SELP: variants seen among roughly 807,000 people sequenced by gnomAD.
The protein encoded by SELP is selectin P, also known as P-selectin.
In SELP, 92 loss-of-function variants were observed where a neutral mutation model predicts 104.1. That is an observed-to-expected ratio of 0.88 (90% CI 0.75 to 1.05). The LOEUF (loss-of-function observed/expected upper bound fraction) is 1.05, where lower values mean the gene tolerates loss of function less well. Among genes scored for constraint, SELP ranks in the 50% least tolerant of loss-of-function variants. The pLI is 0.00. For missense variants in SELP, 1,022 were observed against 1,017.3 expected (o/e 1.00, Z -0.06); for synonymous variants, 397 against 364.5 (o/e 1.09, Z -1.01).
chr1:169,623,491 T>C (rs961470925), intron 1 of SELP, among the ~76,000 whole-genome samples: 3 of 152,194 alleles, frequency 2.0e-5, no homozygotes, highest in Non-Finnish European at 4.4e-5. Context: ...TTGTTTGAAC[T>C]TTTTTTAAGC....
intron 5 of SELP, 81 bp from the exon 6 acceptor site, chr1:169,612,483 A>C: frequency 7.3e-7 from 1 of 1,363,736 alleles, no homozygotes; most frequent in Non-Finnish European, 1.0e-6. Context: ...ATTCTGCAGC[A>C]GTCACACCTT....
intron 11 of SELP, 37 bp downstream of exon 11, chr1:169,596,954 C>T: frequency 6.6e-7 from 1 of 1,524,976 alleles, no homozygotes; most frequent in South Asian, 1.3e-5. Flanking sequence ...AATAAATTTC[C>T]AAAAGTAGAA....
At chr1:169,599,878 C>A (rs1234024935) in intron 10 of SELP, among the ~76,000 whole-genome samples, 1 of 152,038 alleles carries the variant, frequency 6.6e-6, no homozygotes, top group East Asian at 1.9e-4. Context: ...GAACCAGGAC[C>A]CCTCCCCACG....
Position 169,617,008 on chromosome 1 carries a change from C to A in SELP, c.481+20G>T. 6.6e-7 allele frequency: 1 copy of A among 1,520,426 alleles called. No individual in the cohort carries two copies. Among genetic ancestry groups the A allele is most frequent in the Non-Finnish European group, 8.8e-7 (1 of 1,135,048 alleles). The allele number at this position is 1,520,426 out of a possible 1,614,324, so 94.2% of individuals were successfully genotyped here. ...TTTTTTTTTTTTAACAGGAAAGTTT[C>A]AAAGTAGAGAAGGCCCTACCTGTGT... On this transcript the variant is annotated intron_variant, in intron 3 of 16. Transcript: ENST00000263686.
chr1:169,617,794 A>G (rs2244529), intron 2 of SELP, among the ~76,000 whole-genome samples: 57,851 of 152,082 alleles, frequency 0.38, 12,437 homozygotes, highest in African/African-American at 0.59. Flanking sequence ...CTTAAGGGCA[A>G]GCTCTACCTC....
intron 8 of SELP, among the ~76,000 whole-genome samples, chr1:169,608,415 T>C (rs2101896235): frequency 6.6e-6 from 1 of 152,280 alleles, no homozygotes; most frequent in African/African-American, 2.4e-5. Flanking sequence ...TCTGTCTCTA[T>C]GACTTTGACT....
Position 169,596,154 on chromosome 1 carries a change from C to A in SELP, c.1892-20G>T. 6.2e-7 allele frequency: 1 copy of A among 1,608,142 alleles called. No homozygotes were observed. Among genetic ancestry groups the A allele is most frequent in the Non-Finnish European group, 8.5e-7 (1 of 1,175,126 alleles). On this transcript the variant is annotated intron_variant, in intron 11 of 16. Transcript: ENST00000263686. ...CTATGCCTGTTGTGAGAAAATGTTT[C>A]CATTCAGAGACCTCCCAATTAAAAG...
At chr1:169,608,865 C>T (rs557510721) in intron 8 of SELP, among the ~76,000 whole-genome samples, 2 of 152,006 alleles carry the variant, frequency 1.3e-5, no homozygotes, top group South Asian at 2.1e-4. Flanking sequence ...AAATAATAAT[C>T]CTTGTGAACC....
chr1:169,610,771 T>G (rs2101901009), intron 7 of SELP, among the ~76,000 whole-genome samples: 1 of 151,668 alleles, frequency 6.6e-6, no homozygotes, highest in East Asian at 1.9e-4. Flanking sequence ...AGAGTGAGAC[T>G]CTGTCTCAAA....
chr1:169,605,378 A>G (rs1184223723), intron 9 of SELP, among the ~76,000 whole-genome samples: 1 of 152,042 alleles, frequency 6.6e-6, no homozygotes, highest in Non-Finnish European at 1.5e-5. Context: ...GTGCCTGGCG[A>G]TGAAGGACAT....
At chr1:169,610,064 T>C (rs1327462392) in intron 7 of SELP, among the ~76,000 whole-genome samples, 1 of 152,156 alleles carries the variant, frequency 6.6e-6, no homozygotes, top group Non-Finnish European at 1.5e-5. Context: ...CATTCATAGT[T>C]TTATTCTGGA....
In SELP at chr1:169,603,103, C is replaced by A. The variant is rs781178246; in HGVS notation, c.1628G>T (p.Gly543Val). 2 of 1,613,936 alleles carry A rather than the reference C, an allele frequency of 1.2e-6. No homozygotes were observed. Among genetic ancestry groups the A allele is most frequent in the African/African-American group, 2.7e-5 (2 of 74,902 alleles). Residue 543 changes from glycine (G) to valine (V), a missense_variant, in exon 10 of 17, where the codon GGA becomes GTA. By Grantham distance (109) the Gly-to-Val change is moderately radical (BLOSUM62 -3). Transcript: ENST00000263686. ...KSTCQFICDE[G>V]YSLSGPERLD... The stretch of plus-strand genomic sequence containing the variant: ...TCTTTCTGGTCCAGACAAAGAATAT[C>A]CCTCGTCACAGATGAATTGACATGT...
At chr1:169,596,190 A>T in intron 11 of SELP, 56 bp from the exon 12 acceptor site, 3 of 1,484,828 alleles carry the variant, frequency 2.0e-6, no homozygotes, top group Non-Finnish European at 2.8e-6. Flanking sequence ...AAGCGTTAAC[A>T]GAGTTAAGGC....
chr1:169,609,721 T>A (rs1395696137), intron 7 of SELP, 32 bp from the exon 8 acceptor site: 2 of 1,577,760 alleles, frequency 1.3e-6, no homozygotes, highest in African/African-American at 1.4e-5. Context: ...TAAAGCCAGG[T>A]AATGGAAGGG....
chr1:169,600,985 G>C (rs949944066), intron 10 of SELP, among the ~76,000 whole-genome samples: 5 of 152,312 alleles, frequency 3.3e-5, no homozygotes, highest in African/African-American at 9.6e-5. Context: ...GCAGAGAAAG[G>C]GGGGCTGGAA....
At chr1:169,616,979 A>T in intron 3 of SELP, 49 bp downstream of exon 3, 1 of 1,484,280 alleles carries the variant, frequency 6.7e-7, no homozygotes, top group East Asian at 2.3e-5. Context: ...CAGAGAAGGC[A>T]GGGTTTTTTT....
At chr1:169,594,308 A>G (rs2101865669) in intron 13 of SELP, among the ~76,000 whole-genome samples, 1 of 152,320 alleles carries the variant, frequency 6.6e-6, no homozygotes, top group African/African-American at 2.4e-5. Context: ...TAATTAAGGA[A>G]GATCTGCTAG....
rs183774680 is a variant in SELP at position 169,596,019 on chromosome 1, G to A, written c.2007C>T (p.Tyr669=). ...GTGTGAATCCAGCGTTGCAGCCAAA[G>A]TAACAAGTGGTATTAAAACCAAAGG... The part of the protein sequence containing the change: ...PGTFGFNTTC[Y]FGCNAGFTLI... The change falls in exon 12 of 17, where the codon TAC becomes TAT. Residue 669 remains tyrosine (Y), a synonymous_variant. Transcript: ENST00000263686. The A allele has an allele frequency of 9.3e-6, 15 of 1,613,946 alleles. No homozygotes were observed. Among genetic ancestry groups the A allele is most frequent in the East Asian group, 6.7e-5 (3 of 44,884 alleles).
chr1:169,628,235 A>T (rs145507077), intron 1 of SELP, among the ~76,000 whole-genome samples: 43 of 152,330 alleles, frequency 2.8e-4, no homozygotes, highest in Middle Eastern at 3.4e-3. Context: ...GTGCAATTTA[A>T]CTATAAGTTC....
Sources: allele counts gnomAD v4.1 joint callset (sites outside exome capture counted in the v4.1 genomes callset), GRCh38; gene constraint gnomAD v4.1.1; transcripts MANE v1.5; gene names NCBI Gene and HGNC (gene_info 2026-07-23, HGNC 2026-07-21).